The following ROBO1 variants were observed in gnomAD, a reference collection of about 807,000 sequenced individuals.
ROBO1 encodes roundabout homolog 1.
ROBO1 carries 149 observed loss-of-function variants against 195.9 expected under a neutral mutation model. That is an observed-to-expected ratio of 0.76 (90% CI 0.67 to 0.87). ROBO1 has a LOEUF of 0.87. Ranked by LOEUF, ROBO1 falls within the 40% of genes least tolerant of loss-of-function variation. The pLI is 0.00. For synonymous variants in ROBO1, 816 were observed against 733.2 expected (o/e 1.11, Z -1.82); for missense variants, 1,933 against 2,068.3 (o/e 0.93, Z 1.27).
In ROBO1 at chr3:79,606,031, C is replaced by A. The variant is rs540250138; in HGVS notation, c.-50-16070G>T. Among the ~76,000 whole-genome samples, 154 of 134,040 alleles carry A rather than the reference C, an allele frequency of 1.1e-3. 1 individual carries two copies. Among genetic ancestry groups the A allele is most frequent in the African/African-American group, 5.3e-3 (151 of 28,470 alleles). 87.9% of individuals were successfully genotyped at this position (134,040 alleles called of 152,430 possible). On this transcript the variant is annotated intron_variant, in intron 1 of 30. Coordinates refer to ENST00000464233, the MANE Select transcript of ROBO1 (RefSeq NM_002941.4). ...ATATACCCATTTATATATACATGTACCCACATATATATATATATATACACC... is the reference window on the plus strand; with the variant it reads ...ATATACCCATTTATATATACATGTAACCACATATATATATATATATACACC...
chr3:79,497,828 T>C (rs1457800130), intron 2 of ROBO1, among the ~76,000 whole-genome samples: 1 of 152,190 alleles, frequency 6.6e-6, no homozygotes, highest in Non-Finnish European at 1.5e-5. Context: ...TTTCAATTAA[T>C]TTGTTGTAGT....
chr3:79,575,237 A>ATAACAAATAT lies in ROBO1; in HGVS notation c.88+14586_88+14587insATATTTGTTA, dbSNP rs1560007458. 4.4e-3 allele frequency among the ~76,000 whole-genome samples: 321 copies of ATAACAAATAT among 72,414 alleles called. 3 individuals are homozygous for ATAACAAATAT. Among genetic ancestry groups the ATAACAAATAT allele is most frequent in the African/African-American group, 0.017 (267 of 15,696 alleles). The allele number at this position is 72,414 out of a possible 152,430, so 47.5% of individuals were successfully genotyped here. On this transcript the variant is annotated intron_variant, in intron 2 of 30. Coordinates refer to ENST00000464233, the MANE Select transcript of ROBO1 (RefSeq NM_002941.4). Reference sequence around the variant, plus strand: ...TATATATATATAACAAATATATATAAATATATATAACAAATATATATAAAT... The same window carrying ATAACAAATAT: ...TATATATATATAACAAATATATATAATAACAAATATATATATATAACAAATATATATAAAT...
intron 1 of ROBO1, among the ~76,000 whole-genome samples, chr3:79,718,830 T>A (rs1294133644): frequency 6.6e-6 from 1 of 152,088 alleles, no homozygotes; most frequent in Non-Finnish European, 1.5e-5. Context: ...TGACATTATA[T>A]ATTTATGGCT....
intron 2 of ROBO1, among the ~76,000 whole-genome samples, chr3:79,152,058 T>C (rs2080782133): frequency 6.6e-6 from 1 of 151,822 alleles, no homozygotes; most frequent in South Asian, 2.1e-4. Context: ...CACTGGAATA[T>C]AAACTTCGTA....
Position 79,391,744 on chromosome 3 carries a change from T to C in ROBO1, c.88+198080A>G, listed in dbSNP as rs575776835. On this transcript the variant is annotated intron_variant, in intron 2 of 30. Transcript: ENST00000464233. ...TAAAAGCAACTGAAATATACTGTTA[T>C]AGCCACTAGATACAAGTAAAAATTA... Among the ~76,000 whole-genome samples the C allele has an allele frequency of 2.6e-5, 4 of 152,316 alleles. No homozygotes were observed. The South Asian group carries it at 8.3e-4, about 32-fold the overall frequency.
At chr3:78,995,356 G>T (rs1017741072) in intron 3 of ROBO1, among the ~76,000 whole-genome samples, 1 of 151,938 alleles carries the variant, frequency 6.6e-6, no homozygotes, top group Non-Finnish European at 1.5e-5. Flanking sequence ...GGTTAATGAC[G>T]CCAGCAAGCA....
chr3:79,011,671 A>G (rs900673474), intron 3 of ROBO1, among the ~76,000 whole-genome samples: 1 of 148,006 alleles, frequency 6.8e-6, no homozygotes, highest in African/African-American at 2.5e-5. Context: ...ATATATATTT[A>G]TATATAAATA....
Position 78,982,292 on chromosome 3 carries a change from CACTCTCCTAT to C in ROBO1, c.173-43375_173-43366del, listed in dbSNP as rs2107994603. On this transcript the variant is annotated intron_variant, in intron 3 of 30. Transcript: ENST00000464233. ...AAATCTCATTGGATTATTGAGTAAT[CACTCTCCTAT>C]GATTTTCCCGCCTGCATATTAATAC... is the stretch of plus-strand genomic sequence containing the variant. Among the ~76,000 whole-genome samples, 3 of 152,248 alleles carry C rather than the reference CACTCTCCTAT, an allele frequency of 2.0e-5. No individual in the cohort carries two copies. In the South Asian group the frequency reaches 6.2e-4, roughly 32 times the overall value.
chr3:78,824,389 A>G (rs2031373797), intron 4 of ROBO1, among the ~76,000 whole-genome samples: 1 of 152,216 alleles, frequency 6.6e-6, no homozygotes, highest in East Asian at 1.9e-4. Context: ...TTGATAAATA[A>G]TCATTAAACA....
Position 78,635,940 on chromosome 3 carries a change from T to C in ROBO1, c.3206A>G (p.Gln1069Arg). 6.2e-7 allele frequency: 1 copy of C among 1,613,960 alleles called. No individual in the cohort carries two copies. Among genetic ancestry groups the C allele is most frequent in the Non-Finnish European group, 8.5e-7 (1 of 1,179,850 alleles). ...KDGRFVNPSGQPTPYATTQLI... is the reference protein window; with the variant it reads ...KDGRFVNPSGRPTPYATTQLI... ...CTGAGTGGTGGCGTAAGGAGTAGGCTGCCCTGATGGATTGACAAAACGCCC... is the reference window on the plus strand; with the variant it reads ...CTGAGTGGTGGCGTAAGGAGTAGGCCGCCCTGATGGATTGACAAAACGCCC... Residue 1069 changes from glutamine (Q) to arginine (R), a missense_variant, in exon 23 of 31, where the codon CAG becomes CGG. By Grantham distance (43) the Gln-to-Arg change is conservative (BLOSUM62 1). Around this residue, in one of 3 missense-constraint regions of ROBO1, gnomAD observed 1,737 missense variants for 1,882.5 expected, o/e 0.92. Transcript: ENST00000464233.
chr3:79,679,707 G>A (rs553299102), intron 1 of ROBO1, among the ~76,000 whole-genome samples: 1 of 152,026 alleles, frequency 6.6e-6, no homozygotes, highest in East Asian at 1.9e-4. Flanking sequence ...GTAGTGCAGA[G>A]ACAGCAAATG....
intron 2 of ROBO1, among the ~76,000 whole-genome samples, chr3:79,267,422 G>T (rs1347861985): frequency 6.6e-6 from 1 of 151,426 alleles, no homozygotes; most frequent in South Asian, 2.1e-4. Context: ...GGTTTTCATA[G>T]GTTTTAAAAT....
intron 8 of ROBO1, among the ~76,000 whole-genome samples, chr3:78,697,985 G>A (rs983643009): frequency 2.6e-5 from 4 of 152,024 alleles, no homozygotes; most frequent in African/African-American, 7.2e-5. Context: ...CTAATTCATA[G>A]ATATAAGTTT....
intron 1 of ROBO1, among the ~76,000 whole-genome samples, chr3:79,737,031 T>C (rs1703421211): frequency 6.6e-6 from 1 of 152,216 alleles, no homozygotes. Flanking sequence ...AAACCACTTA[T>C]TAATGGCTCT....
chr3:78,956,011 G>T (rs901532802), intron 3 of ROBO1, among the ~76,000 whole-genome samples: 1 of 151,894 alleles, frequency 6.6e-6, no homozygotes, highest in South Asian at 2.1e-4. Context: ...CAGATCCTAA[G>T]GGCACCCCAG....
intron 22 of ROBO1, among the ~76,000 whole-genome samples, chr3:78,638,347 T>A (rs1348309533): frequency 6.7e-6 from 1 of 149,736 alleles, no homozygotes; most frequent in Non-Finnish European, 1.5e-5. Flanking sequence ...AATATGTACA[T>A]ATATATATAT....
At chr3:78,897,138 T>C (rs938867220) in intron 4 of ROBO1, among the ~76,000 whole-genome samples, 1 of 152,198 alleles carries the variant, frequency 6.6e-6, no homozygotes, top group African/African-American at 2.4e-5. Context: ...TATCTCACCC[T>C]CCTTATTCTG....
At chr3:78,640,653 T>C (rs1018006535) in intron 21 of ROBO1, among the ~76,000 whole-genome samples, 2 of 152,198 alleles carry the variant, frequency 1.3e-5, no homozygotes, top group Non-Finnish European at 2.9e-5. Context: ...GAATGCCAAG[T>C]ACATCAGCGA....
intron 10 of ROBO1, among the ~76,000 whole-genome samples, chr3:78,679,166 G>A (rs1208162078): frequency 3.3e-5 from 5 of 152,020 alleles, no homozygotes; most frequent in African/African-American, 1.2e-4. Flanking sequence ...GGTATTGATG[G>A]GACGTATCTC....
Sources: gnomAD v4.1 joint callset for allele counts (sites outside exome capture counted in the v4.1 genomes callset) on GRCh38, gnomAD v4.1.1 for gene constraint, gnomAD v4.1.1 regional missense constraint, MANE v1.5 for transcripts, NCBI Gene and HGNC (gene_info 2026-07-23, HGNC 2026-07-21) for gene names.